ZNF254: variants seen among roughly 807,000 people sequenced by gnomAD.
ZNF254 encodes zinc finger protein 254.
In ZNF254, 10 loss-of-function variants were observed where a neutral mutation model predicts 12.4. The observed-to-expected ratio is 0.80, with a 90% CI of 0.50 to 1.36. The LOEUF (loss-of-function observed/expected upper bound fraction) is 1.36. ZNF254 is among the 40% of genes most tolerant of loss of function. ZNF254 has a pLI of 0.00. For synonymous variants in ZNF254, 305 were observed against 253.4 expected (o/e 1.20, Z -1.93); for missense variants, 996 against 763.9 (o/e 1.30, Z -3.58).
At chr19:24,056,201 C>T (rs1970847399) in intron 2 of ZNF254, among the ~76,000 whole-genome samples, 2 of 152,124 alleles carry the variant, frequency 1.3e-5, no homozygotes, top group South Asian at 4.2e-4. Flanking sequence ...GTCTCTGAGC[C>T]CTATGCCCAG....
chr19:24,075,546 G>A (rs1971628203), intron 2 of ZNF254, among the ~76,000 whole-genome samples: 3 of 152,172 alleles, frequency 2.0e-5, no homozygotes, highest in Admixed American at 6.5e-5. Flanking sequence ...CGAATAGGGT[G>A]TGGGTCACAG....
chr19:24,074,517 C>T (rs1170518836), intron 2 of ZNF254, among the ~76,000 whole-genome samples: 1 of 152,194 alleles, frequency 6.6e-6, no homozygotes, highest in East Asian at 1.9e-4. Context: ...TGTGACTATT[C>T]TTTCTTCCCA....
intron 2 of ZNF254, among the ~76,000 whole-genome samples, chr19:24,047,521 A>G (rs1360233469): frequency 4.1e-5 from 6 of 146,188 alleles, no homozygotes; most frequent in Admixed American, 1.4e-4. Flanking sequence ...CTTCCATTTC[A>G]GTTTCCCCAA....
chr19:24,088,192 G>C (rs529665796), intron 1 of ZNF254, among the ~76,000 whole-genome samples: 9 of 152,078 alleles, frequency 5.9e-5, no homozygotes, highest in African/African-American at 2.2e-4. Context: ...ACAGGCGTGA[G>C]CCACCGTGCC....
chr19:24,062,824 G>A (rs1299915188), intron 2 of ZNF254, among the ~76,000 whole-genome samples: 3 of 152,100 alleles, frequency 2.0e-5, no homozygotes, highest in Non-Finnish European at 2.9e-5. Context: ...TTTTGAGATG[G>A]AGTTTTGCTC....
intron 1 of ZNF254, among the ~76,000 whole-genome samples, chr19:24,090,983 C>T (rs555815016): frequency 2.5e-5 from 3 of 118,710 alleles, no homozygotes; most frequent in African/African-American, 9.9e-5. Context: ...GAGTCTCACT[C>T]TGTCGCCCAG....
At chr19:24,106,515 G>A in intron 2 of ZNF254, 33 bp from the exon 3 acceptor site, 1 of 1,529,288 alleles carries the variant, frequency 6.5e-7, no homozygotes, top group Non-Finnish European at 8.9e-7. Flanking sequence ...GAGAATATAA[G>A]CAAGATTCAT....
intron 1 of ZNF254, among the ~76,000 whole-genome samples, chr19:24,088,030 C>T (rs1972137767): frequency 6.6e-6 from 1 of 151,488 alleles, no homozygotes; most frequent in African/African-American, 2.4e-5. Context: ...ATTCTCCTGC[C>T]TCAGCCTCCC....
intron 1 of ZNF254, among the ~76,000 whole-genome samples, chr19:24,042,289 G>C (rs1970201378): frequency 6.6e-6 from 1 of 152,162 alleles, no homozygotes; most frequent in African/African-American, 2.4e-5. Context: ...GCACCAATCA[G>C]CGCCCTGACA....
At position 24,106,010 on chromosome 19, in the gene ZNF254, A is replaced by G. The variant is rs1454093435; in HGVS notation, c.101A>G (p.Gln34Arg). 1.9e-6 allele frequency: 3 copies of G among 1,600,290 alleles called. No homozygotes were observed. In the South Asian group the frequency reaches 3.3e-5, roughly 18 times the overall value. Residue 34 changes from glutamine to arginine, a missense_variant, in exon 2 of 4, where the codon CAG becomes CGG. Coordinates refer to ENST00000357002, the MANE Select transcript of ZNF254 (RefSeq NM_203282.4). ...GAGTGGCAACACCTGGACATTGCAC[A>G]GCAGAATTTATATAGAAATGTGATG... ...LEEWQHLDIAQQNLYRNVMLE... is the reference protein window; with the variant it reads ...LEEWQHLDIARQNLYRNVMLE...
intron 3 of ZNF254, among the ~76,000 whole-genome samples, chr19:24,122,072 T>A (rs1599761301): frequency 6.6e-6 from 1 of 152,178 alleles, no homozygotes; most frequent in East Asian, 1.9e-4. Context: ...TTATTATTTT[T>A]ACTTGTCAAA....
upstream of ZNF254, chr19:24,087,151 C>T: frequency 3.4e-6 from 3 of 894,382 alleles, no homozygotes; most frequent in South Asian, 4.1e-5. Context: ...AGGCACACAG[C>T]TGGACTGGAC....
intron 2 of ZNF254, among the ~76,000 whole-genome samples, chr19:24,072,164 T>C (rs1971504567): frequency 6.6e-6 from 1 of 151,812 alleles, no homozygotes; most frequent in Admixed American, 6.6e-5. Context: ...TTTCTGTTTT[T>C]CTTTTTCATT....
At chr19:24,059,504 G>A (rs1219273392) in intron 2 of ZNF254, among the ~76,000 whole-genome samples, 1 of 152,174 alleles carries the variant, frequency 6.6e-6, no homozygotes. Flanking sequence ...GCTAGACTGA[G>A]AACTTAGGTG....
chr19:24,077,973 G>C (rs1039480431), intron 2 of ZNF254, among the ~76,000 whole-genome samples: 27 of 152,236 alleles, frequency 1.8e-4, no homozygotes, highest in Admixed American at 1.6e-3. Context: ...GCTCTGTGAG[G>C]TCTGCACAAT....
chr19:24,115,171 C>G (rs898951220), intron 3 of ZNF254, among the ~76,000 whole-genome samples: 1 of 152,060 alleles, frequency 6.6e-6, no homozygotes, highest in Non-Finnish European at 1.5e-5. Flanking sequence ...CAACCCATTA[C>G]TGGGTAGATA....
chr19:24,126,910 A>G lies in ZNF254; in HGVS notation c.910A>G (p.Ile304Val), dbSNP rs539332906. ...YKCEECGKAFIWSSTLTEHKK... is the reference protein window; with the variant it reads ...YKCEECGKAFVWSSTLTEHKK... ...GTGTGAAGAATGTGGCAAAGCATTT[A>G]TCTGGTCCTCAACCCTTACTGAGCA... Residue 304 changes from isoleucine to valine, a missense_variant, in exon 4 of 4, where the codon ATC becomes GTC. Physicochemically the swap from Ile to Val is conservative, Grantham distance 29 (BLOSUM62 3). Transcript: ENST00000357002. 4.3e-6 allele frequency: 7 copies of G among 1,613,706 alleles called. No homozygotes were observed. Among genetic ancestry groups the G allele is most frequent in the African/African-American group, 2.7e-5 (2 of 75,030 alleles).
At position 24,060,523 on chromosome 19, in the gene ZNF254, C is replaced by T. The variant is rs1226428003; in HGVS notation, c.-94+14244C>T. Among the ~76,000 whole-genome samples, 44 of 152,180 alleles carry T rather than the reference C, an allele frequency of 2.9e-4. 3 individuals carry two copies. Among genetic ancestry groups the T allele is most frequent in the Admixed American group, 2.9e-3 (44 of 15,276 alleles). On this transcript the variant is annotated intron_variant, in intron 2 of 4. Transcript: ENST00000613065. ...GGCCCATCAACTATTTGATGTGACTCTACTTTCTTACCTGGGCTTTGCCAA... is the reference window on the plus strand; with the variant it reads ...GGCCCATCAACTATTTGATGTGACTTTACTTTCTTACCTGGGCTTTGCCAA...
intron 2 of ZNF254, chr19:24,049,586 G>C (rs1295554624): frequency 2.6e-5 from 4 of 152,156 alleles, no homozygotes; most frequent in Non-Finnish European, 5.9e-5. Flanking sequence ...ACTGCCCACA[G>C]AAGACATTGT....
Sources: gnomAD v4.1 joint callset for allele counts (sites outside exome capture counted in the v4.1 genomes callset) on GRCh38, gnomAD v4.1.1 for gene constraint, MANE v1.5 for transcripts, NCBI Gene and HGNC (gene_info 2026-07-23, HGNC 2026-07-21) for gene names.